TRPS1: variants seen among roughly 807,000 people sequenced by gnomAD.
TRPS1 encodes the protein zinc finger transcription factor Trps1.
A neutral mutation model predicts 101.2 loss-of-function variants in TRPS1; 6 were observed. The ratio of observed to expected loss-of-function variants is 0.06; its 90% CI spans 0.03 to 0.12. TRPS1 has a LOEUF of 0.12. Among genes scored for constraint, TRPS1 ranks in the 10% least tolerant of loss-of-function variants. The pLI is 1.00. For missense variants in TRPS1, 1,363 were observed against 1,567.0 expected, an observed-to-expected ratio of 0.87 and a Z score of 2.20; for synonymous variants, 578 against 589.8, an observed-to-expected ratio of 0.98 and a Z score of 0.29.
intron 5 of TRPS1, among the ~76,000 whole-genome samples, chr8:115,521,650 C>A (rs58401906): frequency 0.036 from 5,481 of 151,662 alleles, 372 homozygotes; most frequent in African/African-American, 0.13. Flanking sequence ...ATCTAACGTT[C>A]CCAGAATTCC....
At chr8:115,547,380 G>A (rs1241111504) in intron 5 of TRPS1, among the ~76,000 whole-genome samples, 5 of 151,870 alleles carry the variant, frequency 3.3e-5, no homozygotes, top group Non-Finnish European at 7.4e-5. Context: ...TCTGTGCTAA[G>A]CTGAAATAAT....
At chr8:115,483,162 G>A (rs933184134) in intron 5 of TRPS1, among the ~76,000 whole-genome samples, 1 of 152,152 alleles carries the variant, frequency 6.6e-6, no homozygotes, top group African/African-American at 2.4e-5. Flanking sequence ...TAAAGTGAGA[G>A]AGGAAGTAAA....
intron 5 of TRPS1, among the ~76,000 whole-genome samples, chr8:115,517,127 G>A: frequency 6.6e-6 from 1 of 151,624 alleles, no homozygotes; most frequent in Non-Finnish European, 1.5e-5. Flanking sequence ...TTTCTGCTTT[G>A]ATATTCCTAA....
At chr8:115,590,774 T>C (rs1350037875) in intron 4 of TRPS1, among the ~76,000 whole-genome samples, 1 of 152,216 alleles carries the variant, frequency 6.6e-6, no homozygotes, top group East Asian at 1.9e-4. Flanking sequence ...TAAAGTTGTC[T>C]CTTGATATGG....
At chr8:115,469,427 C>T (rs1002888180) in intron 5 of TRPS1, among the ~76,000 whole-genome samples, 1 of 152,098 alleles carries the variant, frequency 6.6e-6, no homozygotes, top group African/African-American at 2.4e-5. Context: ...TGCCATAATG[C>T]CACAATGAAT....
chr8:115,508,429 T>C (rs1815499389), intron 5 of TRPS1, among the ~76,000 whole-genome samples: 1 of 152,108 alleles, frequency 6.6e-6, no homozygotes, highest in Non-Finnish European at 1.5e-5. Flanking sequence ...AGTACTGTCC[T>C]CAGCCGAGGA....
At chr8:115,562,430 G>T (rs1162486054) in intron 5 of TRPS1, among the ~76,000 whole-genome samples, 1 of 150,876 alleles carries the variant, frequency 6.6e-6, no homozygotes, top group Non-Finnish European at 1.5e-5. Context: ...ATCTGTAATT[G>T]GAATTATCAA....
intron 5 of TRPS1, among the ~76,000 whole-genome samples, chr8:115,585,843 C>T (rs983365849): frequency 1.3e-5 from 2 of 152,162 alleles, no homozygotes; most frequent in African/African-American, 4.8e-5. Flanking sequence ...CAGGGCATGA[C>T]TACAGATGGG....
chr8:115,599,405 G>C (rs7834300), intron 4 of TRPS1, among the ~76,000 whole-genome samples: 101,356 of 151,766 alleles, frequency 0.67, 34,761 homozygotes, highest in East Asian at 0.83. Flanking sequence ...CATGTGCCAT[G>C]GTGGTTTGCT....
intron 5 of TRPS1, among the ~76,000 whole-genome samples, chr8:115,436,582 C>T (rs561053888): frequency 9.9e-5 from 15 of 152,202 alleles, no homozygotes; most frequent in East Asian, 9.7e-4. Context: ...CCCAGGCTAG[C>T]CTTGAACTCC....
chr8:115,617,539 C>T (rs1349352626), intron 3 of TRPS1, among the ~76,000 whole-genome samples: 1 of 152,192 alleles, frequency 6.6e-6, no homozygotes, highest in Non-Finnish European at 1.5e-5. Context: ...TTTTCCCTGA[C>T]AGCCTAGATC....
intron 3 of TRPS1, among the ~76,000 whole-genome samples, chr8:115,607,084 C>T (rs1818055061): frequency 6.6e-6 from 1 of 152,058 alleles, no homozygotes; most frequent in African/African-American, 2.4e-5. Context: ...CAGGCATCAT[C>T]ACTATTTCTT....
At position 115,668,972 on chromosome 8, in the gene TRPS1, T is replaced by G. The variant is rs2130646229; in HGVS notation, c.-549A>C. ...TTGTCAGGACCTCAGTCTCCGCGCA[T>G]TACGTCAGTTTCAAGACACCAACAC... On this transcript the variant is annotated 5_prime_UTR_variant, in exon 1 of 7. An upstream start codon of the reference 5' UTR is lost. Coordinates refer to ENST00000395715, the MANE Select transcript of TRPS1 (RefSeq NM_014112.5). 6.6e-6 allele frequency: 1 copy of G among 152,308 alleles called. No individual in the cohort carries two copies. Among genetic ancestry groups the G allele is most frequent in the East Asian group, 1.9e-4 (1 of 5,152 alleles). The allele number at this position is 152,308 out of a possible 1,614,324, so 9.4% of individuals were successfully genotyped here.
At position 115,604,815 on chromosome 8, in the gene TRPS1, G is replaced by T. The variant is rs745786131; in HGVS notation, c.1154C>A (p.Ala385Glu). 3 of 1,613,934 alleles carry T rather than the reference G, an allele frequency of 1.9e-6. No individual in the cohort carries two copies. In the South Asian group the frequency reaches 3.3e-5, roughly 18 times the overall value. ...GTTAGAGTTTTTCTCTGAAGGTTTT[G>T]CAACCTCAGAGGAGGGGAGAGAAGC... ...IKASLPSSEV[A>E]KPSEKNSNKS... Residue 385 changes from alanine to glutamate, a missense_variant, in exon 4 of 7, where the codon GCA becomes GAA. Coordinates refer to ENST00000395715, the MANE Select transcript of TRPS1 (RefSeq NM_014112.5). This position sits in a 1 kb window ranked among gnomAD's most constrained non-coding sequence, Gnocchi z 4.1.
intron 5 of TRPS1, among the ~76,000 whole-genome samples, chr8:115,555,963 T>C (rs2130354123): frequency 6.6e-6 from 1 of 152,120 alleles, no homozygotes; most frequent in Middle Eastern, 3.4e-3. Context: ...GGAGGGAGGC[T>C]GCAGTGAACC....
Position 115,603,896 on chromosome 8 carries a change from T to C in TRPS1, c.2073A>G (p.Glu691=). Residue 691 remains glutamate (E), a synonymous_variant, in exon 4 of 7, where the codon GAA becomes GAG. Coordinates refer to ENST00000395715, the MANE Select transcript of TRPS1 (RefSeq NM_014112.5). ...CTKCDFITQV[E]EEISRHYRRA... ...ACCTGTAGTGTCGGGAAATCTCTTC[T>C]TCCACTTGGGTAATAAAATCACATT... The C allele has an allele frequency of 6.2e-7, 1 of 1,614,032 alleles. No individual in the cohort carries two copies. The highest frequency in any genetic ancestry group is 8.5e-7 in the Non-Finnish European group (1 of 1,179,924).
At chr8:115,465,744 C>T (rs1157376407) in intron 5 of TRPS1, among the ~76,000 whole-genome samples, 1 of 152,062 alleles carries the variant, frequency 6.6e-6, no homozygotes, top group Middle Eastern at 3.2e-3. Context: ...GACAGAAATG[C>T]TGGGCTCTCA....
At chr8:115,572,524 C>T (rs1370189814) in intron 5 of TRPS1, among the ~76,000 whole-genome samples, 4 of 151,964 alleles carry the variant, frequency 2.6e-5, no homozygotes, top group South Asian at 2.1e-4. Flanking sequence ...GTGCTGTAAT[C>T]GGTTTATTGA....
intron 5 of TRPS1, among the ~76,000 whole-genome samples, chr8:115,581,590 A>G (rs1817454497): frequency 6.6e-6 from 1 of 151,752 alleles, no homozygotes; most frequent in African/African-American, 2.4e-5. Context: ...CTTATAGAAA[A>G]GAAATTAGAT....
Sources: gnomAD v4.1 joint callset for allele counts (sites outside exome capture counted in the v4.1 genomes callset) on GRCh38, gnomAD v4.1.1 for gene constraint, Gnocchi (gnomAD v3.1) non-coding constraint, MANE v1.5 for transcripts, NCBI Gene and HGNC (gene_info 2026-07-23, HGNC 2026-07-21) for gene names.